Variants in BCAS3 observed in about 807,000 individuals in gnomAD.
The protein encoded by BCAS3 is BCAS3 microtubule associated cell migration factor.
BCAS3 carries 53 observed loss-of-function variants against 116.1 expected under a neutral mutation model. The observed-to-expected ratio is 0.46, with a 90% CI of 0.37 to 0.57. The LOEUF (loss-of-function observed/expected upper bound fraction) is 0.57. Ranked by LOEUF, BCAS3 falls within the 20% of genes least tolerant of loss-of-function variation. The pLI is 0.00. For synonymous variants in BCAS3, 391 were observed against 408.2 expected (o/e 0.96, Z 0.51); for missense variants, 917 against 1,165.4 (o/e 0.79, Z 3.10).
At position 61,126,445 on chromosome 17, in the gene BCAS3, A is replaced by G. The variant is rs2076051532; in HGVS notation, c.2425+41881A>G. Among the ~76,000 whole-genome samples, 1 of 152,204 alleles carries G rather than the reference A, an allele frequency of 6.6e-6. No homozygotes were observed. The highest frequency in any genetic ancestry group is 2.1e-4 in the South Asian group (1 of 4,836). ...TAGGTTTTTCTTTCCTTTTAGTGAA[A>G]AACCGAAGGACAATAGTCATTATAT... is the stretch of plus-strand genomic sequence containing the variant. On this transcript the variant is annotated intron_variant, in intron 22 of 23. Coordinates refer to ENST00000407086, the MANE Select transcript of BCAS3 (RefSeq NM_017679.5). This position sits in a 1 kb window ranked among gnomAD's most constrained non-coding sequence, Gnocchi z 4.6.
At chr17:61,167,213 TGAA>T (rs1167715299) in intron 22 of BCAS3, among the ~76,000 whole-genome samples, 2 of 152,176 alleles carry the variant, frequency 1.3e-5, no homozygotes, top group African/African-American at 4.8e-5. Context: ...ACTTAAAAGA[TGAA>T]GAAATACCAC....
chr17:61,342,924 G>A (rs923017219), intron 22 of BCAS3, among the ~76,000 whole-genome samples: 16 of 152,014 alleles, frequency 1.1e-4, no homozygotes, highest in Non-Finnish European at 1.3e-4. Flanking sequence ...TAATGTTTTT[G>A]TATCTTTAGT....
In BCAS3 at chr17:60,836,439, A is replaced by G. The variant is rs562425615; in HGVS notation, c.476+28363A>G. On this transcript the variant is annotated intron_variant, in intron 7 of 23. Transcript: ENST00000407086. The stretch of plus-strand genomic sequence containing the variant: ...CTTATACGGTAGTTCTTTTTAGCGA[A>G]AGAACTTGTAAGTCCGAAAAATGTA... Among the ~76,000 whole-genome samples, 7 of 152,276 alleles carry G rather than the reference A, an allele frequency of 4.6e-5. No homozygotes were observed. In the South Asian group the frequency reaches 1.5e-3, roughly 32 times the overall value.
At chr17:61,055,808 GT>G (rs1205649089) in intron 19 of BCAS3, among the ~76,000 whole-genome samples, 1 of 151,948 alleles carries the variant, frequency 6.6e-6, no homozygotes, top group East Asian at 1.9e-4. Flanking sequence ...TATTATTCTA[GT>G]TTTAAAAAAT....
chr17:61,083,151 C>T lies in BCAS3; in HGVS notation c.2328-1316C>T, dbSNP rs7225495. On this transcript the variant is annotated intron_variant, in intron 21 of 23. Coordinates refer to ENST00000407086, the MANE Select transcript of BCAS3 (RefSeq NM_017679.5). The surrounding 1 kb of genome is among the most constrained non-coding windows in gnomAD (Gnocchi z 4.9). ...GCATTTCTTGCTCCTCTTCATTATG[C>T]GTATATACTATTACTATATACAGAC... 0.025 allele frequency among the ~76,000 whole-genome samples: 3,783 copies of T among 152,282 alleles called. 157 individuals carry two copies. Among genetic ancestry groups the T allele is most frequent in the African/African-American group, 0.085 (3,551 of 41,554 alleles).
Position 60,816,279 on chromosome 17 carries a change from C to CTTTTTT in BCAS3, c.476+8212_476+8217dup, listed in dbSNP as rs537982584. On this transcript the variant is annotated intron_variant, in intron 7 of 23. Transcript: ENST00000407086. ...TATAACTTTTCTTTCTTTTTCTTTT[C>CTTTTTT]TTTTTTTTTTTTTTGAGACGGAGTC... Among the ~76,000 whole-genome samples the CTTTTTT allele has an allele frequency of 2.1e-5, 3 of 140,106 alleles. 1 individual carries two copies. The highest frequency in any genetic ancestry group is 5.5e-5 in the African/African-American group (2 of 36,632). 91.9% of individuals were successfully genotyped at this position (140,106 alleles called of 152,430 possible). A position where few individuals can be genotyped will look rare whatever the true frequency, so the allele number is the denominator to read the frequency against.
At chr17:60,726,898 C>G (rs1017714691) in intron 5 of BCAS3, among the ~76,000 whole-genome samples, 2 of 152,020 alleles carry the variant, frequency 1.3e-5, no homozygotes, top group African/African-American at 4.8e-5. Context: ...TCAGAATGCA[C>G]CATACATTGT....
In BCAS3 at chr17:61,378,122, C is replaced by T. The variant is rs543084022; in HGVS notation, c.2593+9628C>T. On this transcript the variant is annotated intron_variant, in intron 23 of 23. Transcript: ENST00000407086. The surrounding 1 kb of genome is among the most constrained non-coding windows in gnomAD (Gnocchi z 5.8). ...CTTGCCATCATGTTTCTGTCTCTTA[C>T]AGGCCTTCCCCACCTTCCCTTCCAG... The T allele has an allele frequency of 1.8e-4, 27 of 152,470 alleles. No individual in the cohort carries two copies. The highest frequency in any genetic ancestry group is 6.3e-4 in the African/African-American group (26 of 41,564). 9.4% of individuals were successfully genotyped at this position (152,470 alleles called of 1,614,324 possible). A position where few individuals can be genotyped will look rare whatever the true frequency, so the allele number is the denominator to read the frequency against.
chr17:61,065,930 GA>G lies in BCAS3; in HGVS notation c.2030-8988del. On this transcript the variant is annotated intron_variant, in intron 19 of 23. Coordinates refer to ENST00000407086, the MANE Select transcript of BCAS3 (RefSeq NM_017679.5). This position sits in a 1 kb window ranked among gnomAD's most constrained non-coding sequence, Gnocchi z 4.8. The stretch of plus-strand genomic sequence containing the variant: ...CATTTATAGATCAGTGTGAATTTTT[GA>G]ATTAAGAGACTCTAAATTTCTATTT... Among the ~76,000 whole-genome samples the G allele has an allele frequency of 6.6e-6, 1 of 152,182 alleles. No individual in the cohort carries two copies. The highest frequency in any genetic ancestry group is 1.9e-4 in the East Asian group (1 of 5,184).
intron 5 of BCAS3, among the ~76,000 whole-genome samples, chr17:60,724,085 A>T (rs939724510): frequency 3.3e-5 from 5 of 150,572 alleles, no homozygotes; most frequent in Admixed American, 2.0e-4. Flanking sequence ...TTTATCTTTT[A>T]CTCTATTATT....
chr17:60,826,996 T>C (rs993478190), intron 7 of BCAS3, among the ~76,000 whole-genome samples: 13 of 152,198 alleles, frequency 8.5e-5, no homozygotes, highest in African/African-American at 3.1e-4. Flanking sequence ...CATATGTAGG[T>C]TTAACGTAAG....
chr17:61,116,296 C>A (rs2075446979), intron 22 of BCAS3, among the ~76,000 whole-genome samples: 1 of 151,502 alleles, frequency 6.6e-6, no homozygotes, highest in South Asian at 2.1e-4. Context: ...AAATTATGAT[C>A]CTTTATGTAT....
At chr17:60,678,484 A>T (rs2143774135) in intron 1 of BCAS3, among the ~76,000 whole-genome samples, 1 of 152,310 alleles carries the variant, frequency 6.6e-6, no homozygotes, top group Non-Finnish European at 1.5e-5. Context: ...ACCTTAACCA[A>T]GCCGACTCCA....
In BCAS3 at chr17:61,205,088, C is replaced by G. The variant is rs1401246795; in HGVS notation, c.2425+120524C>G. On this transcript the variant is annotated intron_variant, in intron 22 of 23. Transcript: ENST00000407086. The surrounding 1 kb of genome is among the most constrained non-coding windows in gnomAD (Gnocchi z 5.2). ...TAGGGAGGCCGATTCCATCTGCAAT[C>G]AAAAGCTAACTTTTGGTCCACACTA... Among the ~76,000 whole-genome samples, 1 of 151,782 alleles carries G rather than the reference C, an allele frequency of 6.6e-6. No homozygotes were observed. Among genetic ancestry groups the G allele is most frequent in the Non-Finnish European group, 1.5e-5 (1 of 67,944 alleles).
chr17:61,120,760 C>CAAT (rs1014338780), intron 22 of BCAS3, among the ~76,000 whole-genome samples: 1 of 152,020 alleles, frequency 6.6e-6, no homozygotes, highest in African/African-American at 2.4e-5. Flanking sequence ...AGAAGATTAA[C>CAAT]AATAATAATG....
At chr17:60,701,263 A>G (rs2036345449) in intron 4 of BCAS3, among the ~76,000 whole-genome samples, 1 of 150,920 alleles carries the variant, frequency 6.6e-6, no homozygotes. Context: ...TAAATAAATA[A>G]AAGTCGGAGA....
chr17:61,000,341 T>C (rs937822464), intron 15 of BCAS3, among the ~76,000 whole-genome samples: 5 of 152,188 alleles, frequency 3.3e-5, no homozygotes, highest in Admixed American at 6.5e-5. Flanking sequence ...GTTAAAACTT[T>C]CTTGGTGAGG....
chr17:61,157,744 C>G (rs905575152), intron 22 of BCAS3, among the ~76,000 whole-genome samples: 1 of 152,182 alleles, frequency 6.6e-6, no homozygotes, highest in Non-Finnish European at 1.5e-5. Flanking sequence ...AAGCTGCAAA[C>G]TCTATTGAAT....
At position 61,065,493 on chromosome 17, in the gene BCAS3, T is replaced by G. The variant is rs1182470597; in HGVS notation, c.2030-9427T>G. Among the ~76,000 whole-genome samples the G allele has an allele frequency of 1.3e-5, 2 of 152,190 alleles. No homozygotes were observed. Among genetic ancestry groups the G allele is most frequent in the Admixed American group, 1.3e-4 (2 of 15,278 alleles). ...GGAGAGAGTTTATCACTGTTGGCCTTTGGGTGAACTTTGAGCCTGAGCTGT... is the reference window on the plus strand; with the variant it reads ...GGAGAGAGTTTATCACTGTTGGCCTGTGGGTGAACTTTGAGCCTGAGCTGT... On this transcript the variant is annotated intron_variant, in intron 19 of 23. Transcript: ENST00000407086. The surrounding 1 kb of genome is among the most constrained non-coding windows in gnomAD (Gnocchi z 4.8).
Sources: allele counts gnomAD v4.1 joint callset (sites outside exome capture counted in the v4.1 genomes callset), GRCh38; gene constraint gnomAD v4.1.1; non-coding constraint Gnocchi (gnomAD v3.1); transcripts MANE v1.5; gene names NCBI Gene and HGNC (gene_info 2026-07-23, HGNC 2026-07-21).